BAIAP2: variants seen among roughly 807,000 people sequenced by gnomAD.
BAIAP2 encodes the protein BAR/IMD domain-containing adapter protein 2.
A neutral mutation model predicts 63.0 loss-of-function variants in BAIAP2; 18 were observed. The observed-to-expected ratio is 0.29, with a 90% CI of 0.20 to 0.42. The LOEUF is 0.42. BAIAP2 is among the 10% of genes least tolerant of loss of function. The pLI, the probability that BAIAP2 is intolerant of heterozygous loss-of-function variation, is 1.00. For synonymous variants in BAIAP2, 386 were observed against 307.6 expected, an observed-to-expected ratio of 1.25 and a Z score of -2.67; for missense variants, 610 against 734.3, an observed-to-expected ratio of 0.83 and a Z score of 1.96.
Position 81,104,555 on chromosome 17 carries a change from G to A in BAIAP2, c.1108G>A (p.Gly370Ser). 1.2e-6 allele frequency: 2 copies of A among 1,610,674 alleles called. No individual in the cohort carries two copies. Among genetic ancestry groups the A allele is most frequent in the Non-Finnish European group, 1.7e-6 (2 of 1,179,170 alleles). Residue 370 changes from glycine (G) to serine (S), a missense_variant, in exon 10 of 14, where the codon GGC (glycine) becomes AGC (serine). Coordinates refer to ENST00000428708, the MANE Select transcript of BAIAP2 (RefSeq NM_001144888.2). ...GCCTCGCTCGAGCTCCATGGCAGCCGGCCTGGAGCGCAATGGCCGTATGCG... is the reference window on the plus strand; with the variant it reads ...GCCTCGCTCGAGCTCCATGGCAGCCAGCCTGGAGCGCAATGGCCGTATGCG... ...TLPRSSSMAA[G>S]LERNGRMRVK...
rs74510436 is a variant in BAIAP2, at chr17:81,092,136, G to A, written c.489+5556G>A. Among the ~76,000 whole-genome samples, 1,112 of 152,340 alleles carry A rather than the reference G, an allele frequency of 7.3e-3. 14 individuals carry two copies. The highest frequency in any genetic ancestry group is 0.025 in the African/African-American group (1,051 of 41,580). On this transcript the variant is annotated intron_variant, in intron 6 of 13. Coordinates refer to ENST00000428708, the MANE Select transcript of BAIAP2 (RefSeq NM_001144888.2). ...AGCTGGGTGTCTCGAAGTGATTGCC[G>A]GGGTCTCCAGTGGGCTCAGAAACCT...
chr17:81,091,451 G>A lies in BAIAP2; in HGVS notation c.489+4871G>A, dbSNP rs555134225. On this transcript the variant is annotated intron_variant, in intron 6 of 13. Transcript: ENST00000428708. ...CTGGGGGCAGCCCGGGGGTGTCTACGCAGAGAGTATAGTTCACGGTGCCCC... is the reference window on the plus strand; with the variant it reads ...CTGGGGGCAGCCCGGGGGTGTCTACACAGAGAGTATAGTTCACGGTGCCCC... Among the ~76,000 whole-genome samples the A allele has an allele frequency of 1.4e-4, 21 of 152,206 alleles. No homozygotes were observed. In the South Asian group the frequency reaches 3.1e-3, roughly 23 times the overall value.
chr17:81,037,066 T>G, intron 1 of BAIAP2: 1 of 944,826 alleles, frequency 1.1e-6, no homozygotes, highest in Non-Finnish European at 1.6e-6. Context: ...AAGCTGTAAT[T>G]TATCTGCAGG....
intron 3 of BAIAP2, among the ~76,000 whole-genome samples, chr17:81,073,116 G>A (rs902445058): frequency 3.9e-5 from 6 of 152,048 alleles, no homozygotes; most frequent in Admixed American, 1.3e-4. Flanking sequence ...AGCTCTCTTC[G>A]TAGGTGGCGT....
chr17:81,110,939 T>A, intron 13 of BAIAP2: 2 of 1,613,942 alleles, frequency 1.2e-6, no homozygotes, highest in Non-Finnish European at 1.7e-6. Context: ...GGCCAGATTC[T>A]GAGCCGCCTG....
chr17:81,044,070 G>A (rs1190564010), intron 1 of BAIAP2, among the ~76,000 whole-genome samples: 3 of 152,218 alleles, frequency 2.0e-5, no homozygotes, highest in African/African-American at 7.2e-5. Flanking sequence ...TGCTTTCCTG[G>A]GATCCTGTGT....
At chr17:81,077,818 C>T (rs999651918) in intron 3 of BAIAP2, among the ~76,000 whole-genome samples, 1 of 151,320 alleles carries the variant, frequency 6.6e-6, no homozygotes, top group Non-Finnish European at 1.5e-5. Flanking sequence ...CACCTCGGAG[C>T]TGGGTGCTGT....
At chr17:81,115,528 G>T (rs377370482) in intron 13 of BAIAP2, among the ~76,000 whole-genome samples, 1 of 152,288 alleles carries the variant, frequency 6.6e-6, no homozygotes, top group Middle Eastern at 3.4e-3. Flanking sequence ...GTGATGGATC[G>T]GGGTGGGGGC....
chr17:81,096,729 T>G (rs1047209728), intron 6 of BAIAP2, among the ~76,000 whole-genome samples: 1 of 152,270 alleles, frequency 6.6e-6, no homozygotes, highest in African/African-American at 2.4e-5. Context: ...CCTCCATGGC[T>G]GCAGTATGTG....
rs141492978 is a variant in BAIAP2 at position 81,057,735 on chromosome 17, G to C, written c.131-146G>C. 8.7e-4 allele frequency: 1,223 copies of C among 1,412,746 alleles called. 6 individuals carry two copies. In the African/African-American group the frequency reaches 0.015, roughly 18 times the overall value. The allele number at this position is 1,412,746 out of a possible 1,614,324, so 87.5% of individuals were successfully genotyped here. On this transcript the variant is annotated intron_variant, in intron 2 of 13. Transcript: ENST00000428708. Reference sequence around the variant, plus strand: ...CAAGAGATGGGTTCTGTCCAACCCAGAAATCACAGCGAGTCGAGTATTCTC... The same window carrying C: ...CAAGAGATGGGTTCTGTCCAACCCACAAATCACAGCGAGTCGAGTATTCTC...
At chr17:81,043,656 G>T (rs1000768677) in intron 1 of BAIAP2, among the ~76,000 whole-genome samples, 1 of 152,228 alleles carries the variant, frequency 6.6e-6, no homozygotes, top group African/African-American at 2.4e-5. Context: ...CGGACACTGC[G>T]CTGGACATTC....
chr17:81,039,332 TCTG>T (rs1190495422), intron 1 of BAIAP2, among the ~76,000 whole-genome samples: 1 of 152,216 alleles, frequency 6.6e-6, no homozygotes, highest in African/African-American at 2.4e-5. Flanking sequence ...GTACAACCCT[TCTG>T]CTGGTGCTTG....
At chr17:81,082,193 G>C (rs922092759) in intron 3 of BAIAP2, among the ~76,000 whole-genome samples, 6 of 152,256 alleles carry the variant, frequency 3.9e-5, no homozygotes, top group Admixed American at 6.5e-5. Flanking sequence ...GGGAGACTCG[G>C]GTCACGGCCA....
rs12449515 is a variant in BAIAP2, at chr17:81,116,967, C to T, written c.*1128C>T. The T allele has an allele frequency of 0.13, 20,208 of 152,612 alleles. 1,526 individuals carry two copies. The highest frequency in any genetic ancestry group is 0.21 in the South Asian group (1,002 of 4,830). 9.5% of individuals were successfully genotyped at this position (152,612 alleles called of 1,614,324 possible). A position where few individuals can be genotyped will look rare whatever the true frequency, so the allele number is the denominator to read the frequency against. On this transcript the variant is annotated 3_prime_UTR_variant, in exon 14 of 14. Coordinates refer to ENST00000428708, the MANE Select transcript of BAIAP2 (RefSeq NM_001144888.2). The stretch of plus-strand genomic sequence containing the variant: ...TCAACTCTCCTGCCTCCGCCTTCCA[C>T]CCTGGGCCCAGGGACAGACAGACAT...
intron 6 of BAIAP2, among the ~76,000 whole-genome samples, chr17:81,095,727 G>C (rs1344593365): frequency 6.6e-6 from 1 of 152,140 alleles, no homozygotes; most frequent in Non-Finnish European, 1.5e-5. Flanking sequence ...GGCCCCGCCA[G>C]AGCACCGTGC....
At chr17:81,073,492 AATC>A (rs1222975644) in intron 3 of BAIAP2, among the ~76,000 whole-genome samples, 1 of 152,140 alleles carries the variant, frequency 6.6e-6, no homozygotes, top group Non-Finnish European at 1.5e-5. Flanking sequence ...TGTTAACTGA[AATC>A]ATCATGAAAT....
At chr17:81,100,211 G>A in intron 7 of BAIAP2, 131 bp downstream of exon 7, 2 of 1,272,128 alleles carry the variant, frequency 1.6e-6, no homozygotes, top group Non-Finnish European at 1.0e-6. Flanking sequence ...GTTTATTTCG[G>A]GTTTTCTTGG....
chr17:81,109,927 A>T, intron 13 of BAIAP2: 1 of 985,152 alleles, frequency 1.0e-6, no homozygotes, highest in Non-Finnish European at 1.2e-6. Context: ...AGCTCTGGGC[A>T]CGCCGCACCC....
In BAIAP2 at chr17:81,035,206, C is replaced by T; in HGVS notation, c.-49C>T. The stretch of plus-strand genomic sequence containing the variant: ...GCTGCCGTTACCGCCGCTGCTGCCG[C>T]CGCTTGCGTCCCCCGCTCCGGTCTG... On this transcript the variant is annotated 5_prime_UTR_variant, in exon 1 of 14. Transcript: ENST00000428708. 1 of 1,435,486 alleles carries T rather than the reference C, an allele frequency of 7.0e-7. No individual in the cohort carries two copies. Among genetic ancestry groups the T allele is most frequent in the Non-Finnish European group, 9.3e-7 (1 of 1,078,280 alleles). 88.9% of individuals were successfully genotyped at this position (1,435,486 alleles called of 1,614,324 possible).
Sources: gnomAD v4.1 joint callset for allele counts (sites outside exome capture counted in the v4.1 genomes callset) on GRCh38, gnomAD v4.1.1 for gene constraint, MANE v1.5 for transcripts, NCBI Gene and HGNC (gene_info 2026-07-23, HGNC 2026-07-21) for gene names.